Variants in MAGI2 observed in about 807,000 individuals in gnomAD.
The protein encoded by MAGI2 is membrane-associated guanylate kinase, WW and PDZ domain-containing protein 2.
MAGI2 carries 35 observed loss-of-function variants against 133.3 expected under a neutral mutation model. The ratio of observed to expected loss-of-function variants is 0.26; its 90% confidence interval spans 0.20 to 0.35. The LOEUF (loss-of-function observed/expected upper bound fraction) is 0.35, where lower values mean the gene tolerates loss of function less well. Ranked by LOEUF, MAGI2 falls within the 10% of genes least tolerant of loss-of-function variation. The pLI is 1.00. For synonymous variants in MAGI2, 729 were observed against 710.6 expected (o/e 1.03, Z -0.41); for missense variants, 1,636 against 1,863.4 (o/e 0.88, Z 2.25).
At chr7:78,244,820 C>T (rs1791585869) in intron 10 of MAGI2, among the ~76,000 whole-genome samples, 1 of 142,072 alleles carries the variant, frequency 7.0e-6, no homozygotes, top group African/African-American at 2.9e-5. Context: ...TAATCATCTC[C>T]AAAGATGGCA....
At chr7:78,534,352 A>T (rs1257518554) in intron 3 of MAGI2, among the ~76,000 whole-genome samples, 2 of 152,260 alleles carry the variant, frequency 1.3e-5, no homozygotes, top group Non-Finnish European at 2.9e-5. Flanking sequence ...TAGGAAATGC[A>T]TGTGGTTTAA....
At chr7:79,186,251 T>C (rs1298872836) in intron 1 of MAGI2, among the ~76,000 whole-genome samples, 1 of 138,542 alleles carries the variant, frequency 7.2e-6, no homozygotes, top group Non-Finnish European at 1.5e-5. Context: ...TATTTATATT[T>C]ATTTATTTAT....
At chr7:79,310,174 AAAAAAAAAAAAAAAAAAAAAAG>A (rs1334160140) in intron 1 of MAGI2, among the ~76,000 whole-genome samples, 3 of 138,524 alleles carry the variant, frequency 2.2e-5, no homozygotes, top group Admixed American at 1.4e-4. Context: ...AAAAAAAAAA[AAAAAAAAAAAAAAAAAAAAAAG>A]AGAGAGAGAG....
intron 6 of MAGI2, among the ~76,000 whole-genome samples, chr7:78,405,378 T>C (rs1264118538): frequency 6.6e-6 from 1 of 152,116 alleles, no homozygotes; most frequent in African/African-American, 2.4e-5. Flanking sequence ...ATTTGAATGA[T>C]AGTGTCCTGT....
chr7:78,119,774 G>A (rs900585706), intron 20 of MAGI2, among the ~76,000 whole-genome samples: 4 of 151,976 alleles, frequency 2.6e-5, no homozygotes, highest in African/African-American at 9.7e-5. Flanking sequence ...ATTTTGCTGT[G>A]ACCCTAAAAC....
At chr7:78,753,103 C>T (rs965302955) in intron 2 of MAGI2, among the ~76,000 whole-genome samples, 1 of 151,912 alleles carries the variant, frequency 6.6e-6, no homozygotes, top group Non-Finnish European at 1.5e-5. Context: ...TATGAAGAAA[C>T]AAGAAAATAT....
At chr7:79,254,020 G>T (rs936097041) in intron 1 of MAGI2, among the ~76,000 whole-genome samples, 5 of 150,282 alleles carry the variant, frequency 3.3e-5, no homozygotes, top group Non-Finnish European at 5.9e-5. Context: ...AACAAAAAAG[G>T]TTACTGTTAA....
At chr7:79,355,791 CTAAT>C (rs1451217727) in intron 1 of MAGI2, among the ~76,000 whole-genome samples, 1 of 152,124 alleles carries the variant, frequency 6.6e-6, no homozygotes, top group Non-Finnish European at 1.5e-5. Flanking sequence ...TCTTTGTGAA[CTAAT>C]TAGTTATACA....
chr7:78,726,617 T>C (rs756721852), intron 2 of MAGI2, among the ~76,000 whole-genome samples: 13 of 152,176 alleles, frequency 8.5e-5, no homozygotes, highest in Non-Finnish European at 1.8e-4. Flanking sequence ...TGAAGTCACA[T>C]TTTTAAAGGA....
At chr7:78,979,805 G>A (rs1372179775) in intron 2 of MAGI2, among the ~76,000 whole-genome samples, 10 of 151,750 alleles carry the variant, frequency 6.6e-5, no homozygotes, top group African/African-American at 1.5e-4. Flanking sequence ...ACACACTAAC[G>A]GAAAATGTTA....
intron 4 of MAGI2, among the ~76,000 whole-genome samples, chr7:78,519,614 C>T (rs1168540645): frequency 6.6e-6 from 1 of 152,164 alleles, no homozygotes; most frequent in African/African-American, 2.4e-5. Flanking sequence ...CATAAAAGCA[C>T]ATCATCCTTA....
chr7:78,891,821 G>C (rs570056363), intron 2 of MAGI2, among the ~76,000 whole-genome samples: 5 of 152,220 alleles, frequency 3.3e-5, no homozygotes, highest in South Asian at 2.1e-4. Flanking sequence ...ACTTGCACAA[G>C]ACAGGGATGC....
chr7:78,404,792 T>C (rs1274906149), intron 6 of MAGI2, among the ~76,000 whole-genome samples: 1 of 152,038 alleles, frequency 6.6e-6, no homozygotes, highest in African/African-American at 2.4e-5. Context: ...CCTAAAGCAA[T>C]GGCAACAAAA....
At chr7:78,594,113 T>C (rs1407554642) in intron 3 of MAGI2, among the ~76,000 whole-genome samples, 1 of 152,220 alleles carries the variant, frequency 6.6e-6, no homozygotes, top group African/African-American at 2.4e-5. Flanking sequence ...CCAACCTATA[T>C]CCCACTTCAC....
chr7:78,164,666 C>T lies in MAGI2; in HGVS notation c.2596+3250G>A, dbSNP rs769889143. Among the ~76,000 whole-genome samples, 5 of 152,362 alleles carry T rather than the reference C, an allele frequency of 3.3e-5. No homozygotes were observed. In the South Asian group the frequency reaches 8.3e-4, roughly 25 times the overall value. On this transcript the variant is annotated intron_variant, in intron 15 of 21. Coordinates refer to ENST00000354212, the MANE Select transcript of MAGI2 (RefSeq NM_012301.4). Reference sequence around the variant, plus strand: ...CACCCATCTGCCAAGACAACCTCCCCTTTTTTGGCATTAGGCCAAGAATTA... The same window carrying T: ...CACCCATCTGCCAAGACAACCTCCCTTTTTTTGGCATTAGGCCAAGAATTA...
At chr7:78,392,077 A>G (rs572066312) in intron 6 of MAGI2, among the ~76,000 whole-genome samples, 5 of 152,338 alleles carry the variant, frequency 3.3e-5, no homozygotes, top group African/African-American at 1.2e-4. Context: ...TAAATAAGAC[A>G]GAAGGGATAC....
intron 1 of MAGI2, among the ~76,000 whole-genome samples, chr7:79,130,085 G>C (rs1204533157): frequency 6.7e-6 from 1 of 150,106 alleles, no homozygotes; most frequent in Non-Finnish European, 1.5e-5. Context: ...AGGATCAGTT[G>C]AAGCCAGGAG....
At chr7:78,530,732 AT>A (rs1214946970) in intron 3 of MAGI2, among the ~76,000 whole-genome samples, 1 of 149,286 alleles carries the variant, frequency 6.7e-6, no homozygotes, top group Admixed American at 6.7e-5. Flanking sequence ...AACAATTCCA[AT>A]TTTCTTTTTT....
chr7:79,057,509 A>C (rs10485928), intron 1 of MAGI2, among the ~76,000 whole-genome samples: 14,848 of 152,240 alleles, frequency 0.098, 939 homozygotes, highest in African/African-American at 0.18. Flanking sequence ...TATTCTTACA[A>C]GAGAAAAGTA....
Sources: gnomAD v4.1 joint callset for allele counts (sites outside exome capture counted in the v4.1 genomes callset) on GRCh38, gnomAD v4.1.1 for gene constraint, MANE v1.5 for transcripts, NCBI Gene and HGNC (gene_info 2026-07-23, HGNC 2026-07-21) for gene names.